Variants in CCL16 observed in about 807,000 individuals in gnomAD.
CCL16 encodes C-C motif chemokine ligand 16, also known as C-C motif chemokine 16.
A neutral mutation model predicts 7.5 loss-of-function variants in CCL16; 6 were observed. The ratio of observed to expected loss-of-function variants is 0.80; its 90% CI spans 0.44 to 1.57. The LOEUF (loss-of-function observed/expected upper bound fraction) is 1.57, where lower values mean the gene tolerates loss of function less well. Ranked by LOEUF, CCL16 falls within the 40% of genes most tolerant of loss-of-function variation. CCL16 has a pLI of 0.01. For synonymous variants in CCL16, 60 were observed against 57.7 expected (o/e 1.04, Z -0.18); for missense variants, 134 against 142.9 (o/e 0.94, Z 0.32).
chr17:35,980,817 C>T (rs1249179421), intron 1 of CCL16, among the ~76,000 whole-genome samples: 1 of 152,126 alleles, frequency 6.6e-6, no homozygotes, highest in Non-Finnish European at 1.5e-5. Context: ...CATAGATTCC[C>T]AAGCAGCCAT....
chr17:35,979,353 A>G (rs1352730897), intron 1 of CCL16, among the ~76,000 whole-genome samples: 2 of 152,102 alleles, frequency 1.3e-5, no homozygotes, highest in Non-Finnish European at 2.9e-5. Context: ...TTTGGACTCT[A>G]TCTTAGAGGT....
chr17:35,977,411 G>C lies in CCL16; in HGVS notation c.*155C>G. The C allele has an allele frequency of 1.7e-6, 1 of 602,814 alleles. No homozygotes were observed. The highest frequency in any genetic ancestry group is 2.7e-6 in the Non-Finnish European group (1 of 365,560). The allele number at this position is 602,814 out of a possible 1,614,324, so 37.3% of individuals were successfully genotyped here. A position where few individuals can be genotyped will look rare whatever the true frequency, so the allele number is the denominator to read the frequency against. On this transcript the variant is annotated 3_prime_UTR_variant, in exon 3 of 3. Coordinates refer to ENST00000611905, the MANE Select transcript of CCL16 (RefSeq NM_004590.4). The stretch of plus-strand genomic sequence containing the variant: ...CCTTAACTTTGGTATTTCCTCCTAA[G>C]ATTGAGAAAATATTCGAAATACTTC...
At chr17:35,978,120 A>T in intron 2 of CCL16, 23 bp downstream of exon 2, 1 of 1,614,176 alleles carries the variant, frequency 6.2e-7, no homozygotes, top group Non-Finnish European at 8.5e-7. Context: ...TCTCCACAGA[A>T]ATATCTAAAA....
Position 35,976,731 on chromosome 17 carries a change from A to G in CCL16, c.*835T>C, listed in dbSNP as rs2089639636. 1 of 151,898 alleles carries G rather than the reference A, an allele frequency of 6.6e-6. No homozygotes were observed. The highest frequency in any genetic ancestry group is 2.4e-5 in the African/African-American group (1 of 41,320). The allele number at this position is 151,898 out of a possible 1,614,324, so 9.4% of individuals were successfully genotyped here. A position where few individuals can be genotyped will look rare whatever the true frequency, so the allele number is the denominator to read the frequency against. The stretch of plus-strand genomic sequence containing the variant: ...AAGACAAAATATGAGAGGATCTAGC[A>G]AAGTCTCTGCAAAAATGATTAATGT... On this transcript the variant is annotated 3_prime_UTR_variant, in exon 3 of 3. Coordinates refer to ENST00000611905, the MANE Select transcript of CCL16 (RefSeq NM_004590.4).
rs563594361 is a variant in CCL16 at position 35,981,362 on chromosome 17, G to T, written c.59C>A (p.Ala20Asp). Residue 20 changes from alanine (A) to aspartate (D), a missense_variant, in exon 1 of 3, where the codon GCT (alanine) becomes GAT (aspartate). By Grantham distance (126) the Ala-to-Asp change is moderately radical. Coordinates refer to ENST00000611905, the MANE Select transcript of CCL16 (RefSeq NM_004590.4). ...GGACTCACTTGGCTGGCTGCGAGAA[G>T]CCGAAGTAATGATAAGGATGAGGAC... ...LLVLILIITS[A>D]SRSQPKVPEW... is the part of the protein sequence containing the mutation. The T allele has an allele frequency of 2.1e-4, 346 of 1,612,578 alleles. 2 individuals carry two copies. The South Asian group carries it at 3.7e-3, about 17-fold the overall frequency.
Position 35,977,451 on chromosome 17 carries a change from C to A in CCL16, c.*115G>T. On this transcript the variant is annotated 3_prime_UTR_variant, in exon 3 of 3. Transcript: ENST00000611905. The stretch of plus-strand genomic sequence containing the variant: ...CGAAATACTTCTCCTTTATTTTGAT[C>A]ATTGTTCTGCTTCTCTCAATGTGAC... 1.1e-6 allele frequency: 1 copy of A among 871,336 alleles called. No individual in the cohort carries two copies. Among genetic ancestry groups the A allele is most frequent in the Non-Finnish European group, 1.8e-6 (1 of 565,204 alleles). The allele number at this position is 871,336 out of a possible 1,614,324, so 54.0% of individuals were successfully genotyped here. A position where few individuals can be genotyped will look rare whatever the true frequency, so the allele number is the denominator to read the frequency against.
rs528488168 is a variant in CCL16, at chr17:35,976,871, C to A, written c.*695G>T. ...AGATGGACAGGAAAAATCAAGAGTT[C>A]TATGGGGCTCTTAATGGGTCAAGAC... On this transcript the variant is annotated 3_prime_UTR_variant, in exon 3 of 3. Transcript: ENST00000611905. The A allele has an allele frequency of 1.3e-5, 2 of 152,250 alleles. No homozygotes were observed. The highest frequency in any genetic ancestry group is 3.9e-4 in the East Asian group (2 of 5,190). The allele number at this position is 152,250 out of a possible 1,614,324, so 9.4% of individuals were successfully genotyped here. A position where few individuals can be genotyped will look rare whatever the true frequency, so the allele number is the denominator to read the frequency against.
chr17:35,980,518 T>C, intron 1 of CCL16: 1 of 181,988 alleles, frequency 5.5e-6, no homozygotes, highest in South Asian at 1.1e-4. Context: ...CGAAACTCCA[T>C]CACAAACAAA....
chr17:35,981,007 C>T (rs112670819), intron 1 of CCL16, among the ~76,000 whole-genome samples: 178 of 152,294 alleles, frequency 1.2e-3, no homozygotes, highest in Non-Finnish European at 2.2e-3. Context: ...TTCTCATCCG[C>T]GTGCCTCCCC....
chr17:35,978,829 G>A (rs548210458), intron 1 of CCL16: 45 of 154,294 alleles, frequency 2.9e-4, no homozygotes, highest in Middle Eastern at 3.4e-3. Context: ...ATTCGTAAAG[G>A]ATGAGTAGGA....
chr17:35,979,852 A>C (rs914455047), intron 1 of CCL16, among the ~76,000 whole-genome samples: 1 of 152,194 alleles, frequency 6.6e-6, no homozygotes. Flanking sequence ...AGGTCAGTCC[A>C]GAGATCTCTC....
At chr17:35,979,123 C>T (rs2089662348) in intron 1 of CCL16, among the ~76,000 whole-genome samples, 1 of 146,880 alleles carries the variant, frequency 6.8e-6, no homozygotes, top group Non-Finnish European at 1.5e-5. Context: ...GTGACTCCAT[C>T]TCAAAAGAAA....
intron 1 of CCL16, 122 bp from the exon 2 acceptor site, chr17:35,978,385 C>A: frequency 7.8e-7 from 1 of 1,282,178 alleles, no homozygotes; most frequent in Non-Finnish European, 1.1e-6. Flanking sequence ...TAGAGGAGAC[C>A]AATGATAGCT....
intron 1 of CCL16, among the ~76,000 whole-genome samples, chr17:35,981,008 G>A (rs967625707): frequency 4.0e-5 from 6 of 151,888 alleles, no homozygotes; most frequent in Admixed American, 3.9e-4. Context: ...TCTCATCCGC[G>A]TGCCTCCCCC....
In CCL16 at chr17:35,980,675, G is replaced by C. The variant is rs576542334; in HGVS notation, c.76+670C>G. On this transcript the variant is annotated intron_variant, in intron 1 of 2. Coordinates refer to ENST00000611905, the MANE Select transcript of CCL16 (RefSeq NM_004590.4). Reference sequence around the variant, plus strand: ...AAACAATGATAGAGGGAGGAGATACGGAGGGGCAAAACAAACCCCCTCCTC... The same window carrying C: ...AAACAATGATAGAGGGAGGAGATACCGAGGGGCAAAACAAACCCCCTCCTC... Among the ~76,000 whole-genome samples the C allele has an allele frequency of 5.9e-5, 9 of 152,230 alleles. 1 individual carries two copies. The highest frequency in any genetic ancestry group is 4.6e-4 in the Admixed American group (7 of 15,280).
Position 35,978,164 on chromosome 17 carries a change from T to C in CCL16, c.176A>G (p.Asn59Ser), listed in dbSNP as rs182157112. 197 of 1,614,182 alleles carry C rather than the reference T, an allele frequency of 1.2e-4. No individual in the cohort carries two copies. The highest frequency in any genetic ancestry group is 3.3e-4 in the Middle Eastern group (2 of 6,062). Residue 59 changes from asparagine to serine, a missense_variant, in exon 2 of 3, where the codon AAC becomes AGC. Asn to Ser is a conservative substitution (Grantham distance 46). Transcript: ENST00000611905. The stretch of plus-strand genomic sequence containing the variant: ...TTACATGATTGCTGGCAGGTGACAG[T>C]TGAGGGCCTTTCTGTATCCCACCAC... ...RLVVGYRKAL[N>S]CHLPAIIFVT...
intron 1 of CCL16, 140 bp from the exon 2 acceptor site, chr17:35,978,403 T>C: frequency 9.0e-7 from 1 of 1,115,230 alleles, no homozygotes; most frequent in Middle Eastern, 2.8e-4. Flanking sequence ...GCTTGACTGG[T>C]AATGAAGTGC....
intron 1 of CCL16, chr17:35,978,977 A>G (rs1303486135): frequency 6.6e-6 from 1 of 152,218 alleles, no homozygotes; most frequent in Non-Finnish European, 1.5e-5. Context: ...TACTAACAAA[A>G]ATTAGCCAGG....
At chr17:35,979,138 A>C (rs1271675375) in intron 1 of CCL16, among the ~76,000 whole-genome samples, 3 of 151,284 alleles carry the variant, frequency 2.0e-5, no homozygotes, top group Admixed American at 2.0e-4. Flanking sequence ...AAGAAAAAAA[A>C]AAAAGGATTT....
Sources: gnomAD v4.1 joint callset for allele counts (sites outside exome capture counted in the v4.1 genomes callset) on GRCh38, gnomAD v4.1.1 for gene constraint, MANE v1.5 for transcripts, NCBI Gene and HGNC (gene_info 2026-07-23, HGNC 2026-07-21) for gene names.